Variants in RXFP2 observed in about 807,000 individuals in gnomAD.
RXFP2 encodes the protein relaxin receptor 2.
Under a neutral mutation model 88.6 loss-of-function variants are expected in RXFP2, and 68 were observed. That is an observed-to-expected ratio of 0.77 (90% CI 0.63 to 0.94). The LOEUF is 0.94. Among genes scored for constraint, RXFP2 ranks in the 40% least tolerant of loss-of-function variants. RXFP2 has a pLI of 0.00. For synonymous variants in RXFP2, 329 were observed against 306.8 expected, an observed-to-expected ratio of 1.07 and a Z score of -0.76; for missense variants, 791 against 893.9, an observed-to-expected ratio of 0.88 and a Z score of 1.47.
chr13:31,786,392 TA>T lies in RXFP2; in HGVS notation c.940del (p.Ser314AlafsTer4). On this transcript the variant is annotated frameshift_variant, in exon 12 of 18. Transcript: ENST00000298386. LOFTEE classifies it high-confidence loss of function. ...LKNLGELDLS[S>X]NTITELSPHL... is the part of the protein sequence containing the mutation. Reference sequence around the variant, plus strand: ...TCATTGTCGTCAACAGGGATCTGTCTAGCAATACGATAACGGAACTATCACC... The same window carrying T: ...TCATTGTCGTCAACAGGGATCTGTCTGCAATACGATAACGGAACTATCACC... The T allele has an allele frequency of 2.5e-6, 4 of 1,605,732 alleles. No homozygotes were observed. The highest frequency in any genetic ancestry group is 3.4e-6 in the Non-Finnish European group (4 of 1,172,374).
chr13:31,758,348 C>G lies in RXFP2; in HGVS notation c.185C>G (p.Ala62Gly), dbSNP rs1476534364. Residue 62 changes from alanine (A) to glycine (G), a missense_variant, in exon 2 of 18, where the codon GCT becomes GGT. Ala to Gly is a moderately conservative substitution (Grantham distance 60). Coordinates refer to ENST00000298386, the MANE Select transcript of RXFP2 (RefSeq NM_130806.5). ...CGNLTKCLPR[A>G]FHCDGKDDCG... is the part of the protein sequence containing the mutation. ...AATCTTACCAAGTGCTTACCCCGAGCTTTTCACTGTGATGGCAAGGATGAC... is the reference window on the plus strand; with the variant it reads ...AATCTTACCAAGTGCTTACCCCGAGGTTTTCACTGTGATGGCAAGGATGAC... The G allele has an allele frequency of 4.3e-6, 7 of 1,613,994 alleles. No individual in the cohort carries two copies. The highest frequency in any genetic ancestry group is 5.1e-6 in the Non-Finnish European group (6 of 1,180,010).
chr13:31,754,503 C>T (rs908888261), intron 1 of RXFP2, among the ~76,000 whole-genome samples: 1 of 152,046 alleles, frequency 6.6e-6, no homozygotes, highest in African/African-American at 2.4e-5. Context: ...TGCACTCCAG[C>T]CTGGGTGACA....
At chr13:31,741,050 A>C (rs1042094290) in intron 1 of RXFP2, among the ~76,000 whole-genome samples, 1 of 152,156 alleles carries the variant, frequency 6.6e-6, no homozygotes, top group Admixed American at 6.5e-5. Context: ...AGTTTAACCA[A>C]TTTTACTATA....
intron 17 of RXFP2, among the ~76,000 whole-genome samples, chr13:31,801,150 T>A (rs1371492720): frequency 6.6e-6 from 1 of 151,998 alleles, no homozygotes; most frequent in Non-Finnish European, 1.5e-5. Flanking sequence ...AAAAAAATTA[T>A]GAGATTGCGA....
chr13:31,780,352 A>G (rs1593464008), intron 9 of RXFP2, among the ~76,000 whole-genome samples: 1 of 150,092 alleles, frequency 6.7e-6, no homozygotes, highest in South Asian at 2.2e-4. Flanking sequence ...AAGTTGGACA[A>G]TTGCTCCCAC....
chr13:31,770,176 A>C (rs538892687), intron 5 of RXFP2, among the ~76,000 whole-genome samples: 35 of 152,166 alleles, frequency 2.3e-4, no homozygotes, highest in African/African-American at 8.2e-4. Flanking sequence ...TCTCCTGGTC[A>C]CTCTCTCTTT....
At chr13:31,797,788 T>G (rs1393188195) in intron 17 of RXFP2, among the ~76,000 whole-genome samples, 1 of 152,188 alleles carries the variant, frequency 6.6e-6, no homozygotes, top group African/African-American at 2.4e-5. Flanking sequence ...AAAATTCCCC[T>G]GTGATTCTGA....
intron 5 of RXFP2, among the ~76,000 whole-genome samples, chr13:31,773,621 A>G (rs1872813514): frequency 6.6e-6 from 1 of 152,060 alleles, no homozygotes; most frequent in Admixed American, 6.6e-5. Context: ...GGCTCTCTTC[A>G]GGTCTGAAAG....
intron 3 of RXFP2, among the ~76,000 whole-genome samples, chr13:31,764,243 T>A (rs972501422): frequency 5.3e-5 from 7 of 131,690 alleles, no homozygotes; most frequent in Admixed American, 1.5e-4. Flanking sequence ...TCTCTCTCTT[T>A]CACACACACA....
intron 3 of RXFP2, among the ~76,000 whole-genome samples, chr13:31,764,716 A>ATACAAATGT (rs1333674928): frequency 6.6e-6 from 1 of 152,246 alleles, no homozygotes; most frequent in African/African-American, 2.4e-5. Context: ...TTACTCAATC[A>ATACAAATGT]TACAAATGTT....
intron 8 of RXFP2, among the ~76,000 whole-genome samples, chr13:31,777,744 T>C (rs1328800489): frequency 2.0e-5 from 3 of 152,182 alleles, no homozygotes; most frequent in Non-Finnish European, 4.4e-5. Context: ...CCAAAGATAG[T>C]ATTAATTTTT....
intron 11 of RXFP2, 50 bp downstream of exon 11, chr13:31,782,797 T>A: frequency 8.4e-7 from 1 of 1,188,310 alleles, no homozygotes; most frequent in Non-Finnish European, 1.3e-6. Flanking sequence ...TCCGAGATTA[T>A]AAATTTAAAT....
intron 5 of RXFP2, 138 bp downstream of exon 5, chr13:31,766,165 TA>T: frequency 1.6e-6 from 1 of 615,706 alleles, no homozygotes; most frequent in Non-Finnish European, 2.9e-6. Context: ...GATTAGAAAA[TA>T]AAACATTTGA....
At chr13:31,756,073 C>T (rs1337071191) in intron 1 of RXFP2, among the ~76,000 whole-genome samples, 1 of 120,212 alleles carries the variant, frequency 8.3e-6, no homozygotes, top group Admixed American at 8.2e-5. Flanking sequence ...ATGATCTACT[C>T]ATCCTAAAAG....
rs764045429 is a variant in RXFP2, at chr13:31,761,853, G to A, written c.319+52G>A. On this transcript the variant is annotated intron_variant, in intron 3 of 17. Transcript: ENST00000298386. ...ATCAGCTTTGTGAAAAACATGATTT[G>A]TGATGCACAGATTTATATGGGTAAT... 19 of 1,212,680 alleles carry A rather than the reference G, an allele frequency of 1.6e-5. No individual in the cohort carries two copies. In the South Asian group the frequency reaches 2.2e-4, roughly 14 times the overall value. 75.1% of individuals were successfully genotyped at this position (1,212,680 alleles called of 1,614,324 possible).
chr13:31,761,105 C>A (rs767239294), intron 2 of RXFP2, among the ~76,000 whole-genome samples: 1 of 152,006 alleles, frequency 6.6e-6, no homozygotes, highest in African/African-American at 2.4e-5. Flanking sequence ...CAGGTGCGCA[C>A]CACCACACCC....
At chr13:31,772,371 A>G (rs1872765808) in intron 5 of RXFP2, among the ~76,000 whole-genome samples, 1 of 152,164 alleles carries the variant, frequency 6.6e-6, no homozygotes, top group Non-Finnish European at 1.5e-5. Context: ...TAAAGCATTT[A>G]TTTGCTTTAG....
intron 1 of RXFP2, among the ~76,000 whole-genome samples, chr13:31,742,231 T>A (rs903448155): frequency 2.0e-5 from 3 of 152,118 alleles, no homozygotes; most frequent in Non-Finnish European, 4.4e-5. Flanking sequence ...TTGCTTAACC[T>A]CCAAAATAGG....
intron 3 of RXFP2, among the ~76,000 whole-genome samples, chr13:31,763,384 C>T (rs1872394170): frequency 6.6e-6 from 1 of 152,086 alleles, no homozygotes; most frequent in South Asian, 2.1e-4. Flanking sequence ...GCATGCCCAG[C>T]CTGGAGACAC....
Sources: allele counts gnomAD v4.1 joint callset (sites outside exome capture counted in the v4.1 genomes callset), GRCh38; gene constraint gnomAD v4.1.1; transcripts MANE v1.5; gene names NCBI Gene and HGNC (gene_info 2026-07-23, HGNC 2026-07-21).